The following GALNT13 variants were observed in gnomAD, a reference collection of about 807,000 sequenced individuals.
GALNT13 encodes the protein polypeptide N-acetylgalactosaminyltransferase 13.
In GALNT13, 28 loss-of-function variants were observed where a neutral mutation model predicts 64.2. That is an observed-to-expected ratio of 0.44 (90% CI 0.32 to 0.60). The LOEUF (loss-of-function observed/expected upper bound fraction) is 0.60, where lower values mean the gene tolerates loss of function less well. Ranked by LOEUF, GALNT13 falls within the 20% of genes least tolerant of loss-of-function variation. The probability of loss-of-function intolerance (pLI) is 0.05; values close to 1 mark genes in which losing one functional copy is unlikely to be tolerated. For missense variants in GALNT13, 577 were observed against 669.8 expected (o/e 0.86, Z 1.53); for synonymous variants, 214 against 224.6 (o/e 0.95, Z 0.42).
the GALNT13 span, among the ~76,000 whole-genome samples, chr2:153,818,828 A>G: frequency 6.6e-6 from 1 of 152,088 alleles, no homozygotes; most frequent in South Asian, 2.1e-4. Context: ...AGCCCTTCTG[A>G]AAACTCAAGC....
At chr2:153,148,197 T>G in the GALNT13 span, among the ~76,000 whole-genome samples, 1 of 151,918 alleles carries the variant, frequency 6.6e-6, no homozygotes, top group Non-Finnish European at 1.5e-5. Flanking sequence ...ATATTTCATC[T>G]TTAAATTACT....
At chr2:153,158,606 G>A in the GALNT13 span, among the ~76,000 whole-genome samples, 2 of 152,074 alleles carry the variant, frequency 1.3e-5, no homozygotes, top group African/African-American at 2.4e-5. Flanking sequence ...GAGATGATGG[G>A]AGTTGAATCT....
At chr2:153,981,262 A>G (rs1558887448) in intron 3 of GALNT13, among the ~76,000 whole-genome samples, 1 of 152,116 alleles carries the variant, frequency 6.6e-6, no homozygotes, top group Admixed American at 6.6e-5. Flanking sequence ...ATATATGCAC[A>G]ATGTGCAGGT....
At chr2:153,193,595 A>G in the GALNT13 span, among the ~76,000 whole-genome samples, 1 of 152,110 alleles carries the variant, frequency 6.6e-6, no homozygotes, top group South Asian at 2.1e-4. Flanking sequence ...TTAAAGTATA[A>G]TAAAAACAAA....
chr2:153,777,020 G>C, the GALNT13 span, among the ~76,000 whole-genome samples: 4 of 151,938 alleles, frequency 2.6e-5, no homozygotes, highest in East Asian at 7.7e-4. Flanking sequence ...CTGTGGAAGT[G>C]TTTTTCCTGT....
chr2:153,473,969 G>A, the GALNT13 span, among the ~76,000 whole-genome samples: 2 of 152,164 alleles, frequency 1.3e-5, no homozygotes, highest in African/African-American at 2.4e-5. Flanking sequence ...CTTTGAGAAC[G>A]CAGAGACCTG....
intron 3 of GALNT13, among the ~76,000 whole-genome samples, chr2:154,078,639 C>G (rs1050659218): frequency 7.3e-6 from 1 of 137,880 alleles, no homozygotes; most frequent in Non-Finnish European, 1.6e-5. Flanking sequence ...GTTTGCTTTA[C>G]ATATTACATA....
chr2:153,268,705 T>G, the GALNT13 span, among the ~76,000 whole-genome samples: 1 of 152,234 alleles, frequency 6.6e-6, no homozygotes, highest in African/African-American at 2.4e-5. Flanking sequence ...GCCTGCATGT[T>G]CAGGTGTTTC....
At chr2:153,659,137 T>C in the GALNT13 span, among the ~76,000 whole-genome samples, 1 of 152,116 alleles carries the variant, frequency 6.6e-6, no homozygotes, top group South Asian at 2.1e-4. Context: ...TGCACAGAAA[T>C]GCAGTACTGA....
At chr2:153,516,426 TG>T in the GALNT13 span, among the ~76,000 whole-genome samples, 1 of 152,198 alleles carries the variant, frequency 6.6e-6, no homozygotes, top group African/African-American at 2.4e-5. Context: ...CAGCTAGGAA[TG>T]GGAGAGGATG....
At chr2:153,695,148 G>C in the GALNT13 span, among the ~76,000 whole-genome samples, 1 of 152,148 alleles carries the variant, frequency 6.6e-6, no homozygotes, top group African/African-American at 2.4e-5. Flanking sequence ...GCCTACTGGG[G>C]AAGCTCAACA....
At chr2:153,977,050 G>T (rs1254971110) in intron 3 of GALNT13, among the ~76,000 whole-genome samples, 1 of 151,946 alleles carries the variant, frequency 6.6e-6, no homozygotes, top group African/African-American at 2.4e-5. Context: ...GTCAATAAGG[G>T]AATATTTTTC....
At chr2:153,721,615 G>T in the GALNT13 span, among the ~76,000 whole-genome samples, 1 of 149,616 alleles carries the variant, frequency 6.7e-6, no homozygotes, top group East Asian at 2.0e-4. Context: ...GATGGAGGAA[G>T]ATCTACCAAG....
intron 3 of GALNT13, among the ~76,000 whole-genome samples, chr2:154,080,759 T>C (rs138867114): frequency 2.0e-5 from 3 of 151,796 alleles, no homozygotes; most frequent in Admixed American, 6.6e-5. Context: ...TGCACAATTA[T>C]GTCAGTGATT....
chr2:154,086,320 A>T (rs1033198933), intron 3 of GALNT13, among the ~76,000 whole-genome samples: 1 of 145,192 alleles, frequency 6.9e-6, no homozygotes, highest in African/African-American at 2.5e-5. Context: ...ATATAATTAT[A>T]TGTTATACAT....
At chr2:153,199,860 G>A in the GALNT13 span, among the ~76,000 whole-genome samples, 1 of 152,132 alleles carries the variant, frequency 6.6e-6, no homozygotes, top group Non-Finnish European at 1.5e-5. Flanking sequence ...CAGTATTCAT[G>A]GGAGGAATGA....
chr2:154,173,199 A>G (rs1685459641), intron 4 of GALNT13, among the ~76,000 whole-genome samples: 1 of 151,986 alleles, frequency 6.6e-6, no homozygotes, highest in Non-Finnish European at 1.5e-5. Flanking sequence ...CTTATTTTCA[A>G]CAAAGATATT....
the GALNT13 span, among the ~76,000 whole-genome samples, chr2:153,107,254 A>T: frequency 2.9e-3 from 449 of 152,256 alleles, 2 homozygotes; most frequent in Middle Eastern, 6.8e-3. Context: ...GGCTAAGACA[A>T]TGTCCAGTTG....
intron 8 of GALNT13, among the ~76,000 whole-genome samples, chr2:154,298,019 C>G (rs1392986910): frequency 2.0e-5 from 3 of 151,936 alleles, no homozygotes. Flanking sequence ...AAGTCTGGAT[C>G]CCAGAAAAGA....
Sources: gnomAD v4.1 joint callset for allele counts (sites outside exome capture counted in the v4.1 genomes callset) on GRCh38, gnomAD v4.1.1 for gene constraint, MANE v1.5 for transcripts, NCBI Gene and HGNC (gene_info 2026-07-23, HGNC 2026-07-21) for gene names.